Variants in MYO3A observed in about 807,000 individuals in gnomAD.
MYO3A encodes the protein myosin IIIA, also known as myosin-IIIa.
A neutral mutation model predicts 192.7 loss-of-function variants in MYO3A; 180 were observed. The observed-to-expected ratio is 0.93, with a 90% CI of 0.83 to 1.06. MYO3A has a LOEUF of 1.06. Among genes scored for constraint, MYO3A ranks in the 50% least tolerant of loss-of-function variants. The pLI, the probability that MYO3A is intolerant of heterozygous loss-of-function variation, is 0.00. For missense variants in MYO3A, 1,896 were observed against 1,905.0 expected (o/e 1.00, Z 0.09); for synonymous variants, 628 against 645.3 (o/e 0.97, Z 0.41).
intron 6 of MYO3A, among the ~76,000 whole-genome samples, chr10:26,005,152 A>G (rs1247329678): frequency 1.3e-5 from 2 of 152,164 alleles, no homozygotes; most frequent in African/African-American, 4.8e-5. Context: ...AGCAAACATA[A>G]CTAGTAATGA....
chr10:25,993,555 C>G (rs1002421249), intron 4 of MYO3A, among the ~76,000 whole-genome samples: 3 of 152,130 alleles, frequency 2.0e-5, no homozygotes, highest in Admixed American at 6.6e-5. Flanking sequence ...CTTCTGCTAG[C>G]TTTTGAATGT....
chr10:26,174,150 C>T lies in MYO3A; in HGVS notation c.3886C>T (p.Gln1296Ter). 6.2e-7 allele frequency: 1 copy of T among 1,614,140 alleles called. No individual in the cohort carries two copies. The change falls in exon 30 of 35, where the codon CAA (glutamine) becomes TAA (stop). Residue 1296 changes from glutamine (Q) to a stop codon, truncating the protein, a stop_gained. Coordinates refer to ENST00000642920, the MANE Select transcript of MYO3A (RefSeq NM_017433.5). LOFTEE classifies it high-confidence loss of function. ...EPTLSQRSIY[Q>*]NANSMEKEKK... Reference sequence around the variant, plus strand: ...TACACTTAGCCAAAGGTCAATTTATCAAAATGCAAACAGCATGGAAAAAGA... The same window carrying T: ...TACACTTAGCCAAAGGTCAATTTATTAAAATGCAAACAGCATGGAAAAAGA...
intron 31 of MYO3A, 31 bp from the exon 32 acceptor site, chr10:26,193,174 A>T: frequency 6.8e-7 from 1 of 1,472,734 alleles, no homozygotes; most frequent in Non-Finnish European, 9.5e-7. Context: ...ATTTGTAATT[A>T]AATACTTGTT....
chr10:26,183,740 T>TGG (rs1564629199), intron 31 of MYO3A, among the ~76,000 whole-genome samples: 1 of 151,964 alleles, frequency 6.6e-6, no homozygotes, highest in South Asian at 2.1e-4. Context: ...AGAATGGGGC[T>TGG]GGGGGTGGCA....
intron 33 of MYO3A, among the ~76,000 whole-genome samples, chr10:26,202,443 G>A (rs1215221994): frequency 6.6e-6 from 1 of 152,208 alleles, no homozygotes; most frequent in Non-Finnish European, 1.5e-5. Flanking sequence ...TGTATGTCAT[G>A]TGTGGGTGTT....
intron 4 of MYO3A, among the ~76,000 whole-genome samples, chr10:25,979,316 A>G (rs1366390488): frequency 6.6e-6 from 1 of 152,096 alleles, no homozygotes; most frequent in Non-Finnish European, 1.5e-5. Context: ...AAATCTAGTA[A>G]GCTTAAGTAG....
At position 26,111,723 on chromosome 10, in the gene MYO3A, T is replaced by G. The variant is rs190579285; in HGVS notation, c.1777-8953T>G. 1.3e-3 allele frequency among the ~76,000 whole-genome samples: 191 copies of G among 152,332 alleles called. 1 individual carries two copies. The highest frequency in any genetic ancestry group is 1.9e-3 in the South Asian group (9 of 4,822). On this transcript the variant is annotated intron_variant, in intron 17 of 34. Coordinates refer to ENST00000642920, the MANE Select transcript of MYO3A (RefSeq NM_017433.5). Reference sequence around the variant, plus strand: ...CATTCTTTTCCTCAATCTTTGGTCATAAGATCAATGTTGCTAGTGGTAGAT... The same window carrying G: ...CATTCTTTTCCTCAATCTTTGGTCAGAAGATCAATGTTGCTAGTGGTAGAT...
intron 17 of MYO3A, among the ~76,000 whole-genome samples, chr10:26,111,851 T>C (rs115269863): frequency 0.017 from 2,595 of 152,300 alleles, 82 homozygotes; most frequent in African/African-American, 0.057. Flanking sequence ...AGATGTACAA[T>C]AAACAAGACA....
intron 21 of MYO3A, among the ~76,000 whole-genome samples, chr10:26,144,744 G>A (rs7085103): frequency 0.41 from 62,856 of 151,746 alleles, 13,198 homozygotes; most frequent in Middle Eastern, 0.52. Flanking sequence ...TACTTCCTCC[G>A]TACCAGTGGT....
chr10:26,187,831 T>C (rs1371111135), intron 31 of MYO3A, among the ~76,000 whole-genome samples: 1 of 152,160 alleles, frequency 6.6e-6, no homozygotes, highest in Non-Finnish European at 1.5e-5. Flanking sequence ...TCATCATTTT[T>C]TGTGGCTGCA....
chr10:26,107,263 C>T (rs1243415297), intron 17 of MYO3A, among the ~76,000 whole-genome samples: 3 of 151,992 alleles, frequency 2.0e-5, no homozygotes, highest in Admixed American at 6.6e-5. Context: ...GGGTGGATCA[C>T]GAGGTCAGGA....
At chr10:26,145,425 G>T in intron 21 of MYO3A, 21 bp from the exon 22 acceptor site, 1 of 1,474,268 alleles carries the variant, frequency 6.8e-7, no homozygotes, top group Non-Finnish European at 9.5e-7. Context: ...CTTGATATTT[G>T]AGTTCAGTAT....
At chr10:26,130,214 T>C (rs986348661) in intron 20 of MYO3A, among the ~76,000 whole-genome samples, 1 of 152,066 alleles carries the variant, frequency 6.6e-6, no homozygotes, top group Non-Finnish European at 1.5e-5. Context: ...AAGCAATCCT[T>C]CTGCCTCAGC....
At chr10:26,056,889 A>T (rs1394054185) in intron 10 of MYO3A, among the ~76,000 whole-genome samples, 2 of 152,110 alleles carry the variant, frequency 1.3e-5, no homozygotes, top group Non-Finnish European at 2.9e-5. Flanking sequence ...TTCCATATCC[A>T]TGAAGGAGAT....
At chr10:25,967,421 T>G (rs1838332218) in intron 4 of MYO3A, among the ~76,000 whole-genome samples, 1 of 152,184 alleles carries the variant, frequency 6.6e-6, no homozygotes, top group Admixed American at 6.5e-5. Flanking sequence ...AAACTAGCCC[T>G]AGAATAAGAG....
At chr10:26,127,989 A>G (rs998902713) in intron 19 of MYO3A, among the ~76,000 whole-genome samples, 1 of 152,070 alleles carries the variant, frequency 6.6e-6, no homozygotes, top group Non-Finnish European at 1.5e-5. Context: ...GAAAGACTAT[A>G]CTTTTTAACA....
At chr10:26,005,907 C>T (rs573281903) in intron 6 of MYO3A, among the ~76,000 whole-genome samples, 1 of 152,008 alleles carries the variant, frequency 6.6e-6, no homozygotes, top group East Asian at 1.9e-4. Context: ...GCGACTTTTA[C>T]CTTATTTGAA....
intron 30 of MYO3A, 113 bp downstream of exon 30, chr10:26,174,670 C>T (rs773897921): frequency 5.6e-6 from 5 of 893,760 alleles, no homozygotes; most frequent in African/African-American, 5.1e-5. Context: ...TTGATGGGCC[C>T]GCAAACATTT....
At chr10:26,092,962 T>A (rs1328933425) in intron 15 of MYO3A, among the ~76,000 whole-genome samples, 1 of 152,224 alleles carries the variant, frequency 6.6e-6, no homozygotes, top group Non-Finnish European at 1.5e-5. Flanking sequence ...GATCAGTATA[T>A]TCCCAATAGT....
Sources: allele counts gnomAD v4.1 joint callset (sites outside exome capture counted in the v4.1 genomes callset), GRCh38; gene constraint gnomAD v4.1.1; transcripts MANE v1.5; gene names NCBI Gene and HGNC (gene_info 2026-07-23, HGNC 2026-07-21).